NRXN2: variants seen among roughly 807,000 people sequenced by gnomAD.
NRXN2 encodes the protein neurexin-2-beta.
NRXN2 carries 29 observed loss-of-function variants against 128.8 expected under a neutral mutation model. The ratio of observed to expected loss-of-function variants is 0.23; its 90% CI spans 0.17 to 0.31. NRXN2 has a LOEUF of 0.31. Ranked by LOEUF, NRXN2 falls within the 10% of genes least tolerant of loss-of-function variation. The pLI, the probability that NRXN2 is intolerant of heterozygous loss-of-function variation, is 1.00. For synonymous variants in NRXN2, 1,098 were observed against 1,075.2 expected (o/e 1.02, Z -0.41); for missense variants, 1,881 against 2,452.6 (o/e 0.77, Z 4.92).
intron 3 of NRXN2, among the ~76,000 whole-genome samples, 171 bp from the exon 4 acceptor site, chr11:64,693,047 G>A (rs1430583548): frequency 2.0e-5 from 3 of 152,140 alleles, no homozygotes; most frequent in South Asian, 2.1e-4. Context: ...GACAGACATC[G>A]GGGGGAGCCC....
intron 7 of NRXN2, 176 bp downstream of exon 7, chr11:64,676,817 G>T (rs1320102716): frequency 3.1e-6 from 2 of 635,338 alleles, no homozygotes; most frequent in Non-Finnish European, 5.7e-6. Context: ...AAAGAAAAGG[G>T]AAAGAGGGAA....
chr11:64,671,119 C>T (rs2050573042), intron 7 of NRXN2, among the ~76,000 whole-genome samples: 1 of 152,132 alleles, frequency 6.6e-6, no homozygotes, highest in South Asian at 2.1e-4. Flanking sequence ...GGGCTTTTTG[C>T]AGATCACTCC....
At position 64,622,379 on chromosome 11, in the gene NRXN2, C is replaced by T. The variant is rs1185207753; in HGVS notation, c.4173+374G>A. 1.3e-5 allele frequency among the ~76,000 whole-genome samples: 2 copies of T among 152,222 alleles called. No individual in the cohort carries two copies. Among genetic ancestry groups the T allele is most frequent in the Non-Finnish European group, 2.9e-5 (2 of 68,020 alleles). Reference sequence around the variant, plus strand: ...TCCCACTCTCTGCCCACACAGAACGCTAGGCATGGCCTTCACTGGGGAAGC... The same window carrying T: ...TCCCACTCTCTGCCCACACAGAACGTTAGGCATGGCCTTCACTGGGGAAGC... On this transcript the variant is annotated intron_variant, in intron 21 of 22. Transcript: ENST00000265459. The surrounding 1 kb of genome is among the most constrained non-coding windows in gnomAD (Gnocchi z 4.3).
At chr11:64,704,613 CACACACACACAG>C (rs1315128410) in intron 2 of NRXN2, among the ~76,000 whole-genome samples, 13 of 115,970 alleles carry the variant, frequency 1.1e-4, no homozygotes, top group African/African-American at 4.1e-4. Context: ...CACACACACA[CACACACACACAG>C]AGAGAGAGAG....
rs766089411 is a variant in NRXN2, at chr11:64,607,603, G to A, written c.4732C>T (p.Pro1578Ser). Residue 1578 changes from proline (P) to serine (S), a missense_variant, in exon 23 of 23, where the codon CCG becomes TCG. Physicochemically the swap from Pro to Ser is moderately conservative, Grantham distance 74. Around this residue, in one of 7 missense-constraint regions of NRXN2, gnomAD observed 310 missense variants for 318.2 expected, o/e 0.97. Coordinates refer to ENST00000265459, the MANE Select transcript of NRXN2 (RefSeq NM_015080.4). ...GTGGGGGCCCCGGGCCCCAAGGGCG[G>A]GTTCTCCAGCAAGGGCTGAAGCGGG... ...RDPLQPLLEN[P>S]PLGPGAPTSF... is the part of the protein sequence containing the mutation. 2.6e-6 allele frequency: 4 copies of A among 1,537,238 alleles called. No homozygotes were observed. The highest frequency in any genetic ancestry group is 2.4e-5 in the South Asian group (2 of 84,460).
chr11:64,625,401 G>T (rs1269853308), intron 20 of NRXN2, among the ~76,000 whole-genome samples: 1 of 152,244 alleles, frequency 6.6e-6, no homozygotes, highest in Non-Finnish European at 1.5e-5. Context: ...GCCCAGTGTG[G>T]CTGGGGGCTG....
At chr11:64,658,375 G>A (rs1439357186) in intron 11 of NRXN2, among the ~76,000 whole-genome samples, 1 of 152,226 alleles carries the variant, frequency 6.6e-6, no homozygotes. Flanking sequence ...GGGATGCAAG[G>A]GAGCATTGTG....
intron 2 of NRXN2, chr11:64,712,607 A>T: frequency 2.3e-6 from 1 of 427,402 alleles, no homozygotes; most frequent in Non-Finnish European, 4.9e-6. Context: ...GTCCACGCAG[A>T]CCCCCACCCA....
In NRXN2 at chr11:64,713,458, A is replaced by T. The variant is rs12273892; in HGVS notation, c.242T>A (p.Leu81Gln). The T allele has an allele frequency of 0.15, 234,577 of 1,526,614 alleles. 18,955 individuals carry two copies. The highest frequency in any genetic ancestry group is 0.23 in the African/African-American group (16,178 of 70,604). The allele number at this position is 1,526,614 out of a possible 1,614,324, so 94.6% of individuals were successfully genotyped here. A position where few individuals can be genotyped will look rare whatever the true frequency, so the allele number is the denominator to read the frequency against. Reference sequence around the variant, plus strand: ...CAGCCGCAGGCGGCCGTCCACCAGCAGCAGCTCCAGGAAGTCGCAGTCGCC... The same window carrying T: ...CAGCCGCAGGCGGCCGTCCACCAGCTGCAGCTCCAGGAAGTCGCAGTCGCC... ...DGGDCDFLEL[L>Q]LVDGRLRLRF... Residue 81 changes from leucine to glutamine, a missense_variant, in exon 2 of 23, where the codon CTG becomes CAG. This residue lies in a region of NRXN2 where 997 missense variants were observed against 1,240.8 expected (regional missense o/e 0.80). Coordinates refer to ENST00000265459, the MANE Select transcript of NRXN2 (RefSeq NM_015080.4).
chr11:64,666,482 G>A (rs890200504), intron 9 of NRXN2, among the ~76,000 whole-genome samples: 6 of 151,748 alleles, frequency 4.0e-5, no homozygotes, highest in Admixed American at 1.3e-4. Context: ...AATTACAGGC[G>A]TGAGCCACAG....
chr11:64,670,596 G>A (rs1345467749), intron 7 of NRXN2, among the ~76,000 whole-genome samples: 2 of 152,144 alleles, frequency 1.3e-5, no homozygotes, highest in Non-Finnish European at 2.9e-5. Context: ...CTGTGCCTAA[G>A]TCTGGTCACC....
At chr11:64,717,297 G>T (rs1393710983) in intron 1 of NRXN2, among the ~76,000 whole-genome samples, 5 of 152,142 alleles carry the variant, frequency 3.3e-5, no homozygotes, top group African/African-American at 1.2e-4. Flanking sequence ...GTGACCCTGG[G>T]GTACCTGTCT....
intron 11 of NRXN2, among the ~76,000 whole-genome samples, chr11:64,654,137 G>A (rs1256042272): frequency 6.6e-6 from 1 of 152,126 alleles, no homozygotes; most frequent in African/African-American, 2.4e-5. Context: ...CAGAATCCCT[G>A]CATCCCCTGC....
intron 17 of NRXN2, chr11:64,642,589 G>A: frequency 6.2e-7 from 1 of 1,610,778 alleles, no homozygotes; most frequent in East Asian, 2.2e-5. Context: ...GATGGGCACG[G>A]TGCCGTGCTT....
Position 64,723,090 on chromosome 11 carries a change from C to A in NRXN2, c.-364G>T. On this transcript the variant is annotated 5_prime_UTR_variant, in exon 1 of 23. Transcript: ENST00000265459. ...TGCCGCCTCGCGCCTCTCTCCCTCC[C>A]CGCCGCGTCCCCGCCCGCCCGCCCG... The A allele has an allele frequency of 6.6e-6, 1 of 151,558 alleles. No homozygotes were observed. The highest frequency in any genetic ancestry group is 1.8e-4 in the South Asian group (1 of 5,482). The allele number at this position is 151,558 out of a possible 1,614,324, so 9.4% of individuals were successfully genotyped here.
chr11:64,677,091 C>T, intron 6 of NRXN2, 54 bp from the exon 7 acceptor site: 9 of 1,180,388 alleles, frequency 7.6e-6, no homozygotes, highest in Non-Finnish European at 1.0e-5. Context: ...AAAACAACAA[C>T]AAACACAACA....
At chr11:64,611,563 G>A (rs2040643445) in intron 22 of NRXN2, among the ~76,000 whole-genome samples, 1 of 152,208 alleles carries the variant, frequency 6.6e-6, no homozygotes, top group African/African-American at 2.4e-5. Flanking sequence ...CTACCAACCT[G>A]CTGTCCCCAG....
Position 64,679,802 on chromosome 11 carries a change from A to G in NRXN2, c.1153-2765T>C, listed in dbSNP as rs552146301. Among the ~76,000 whole-genome samples the G allele has an allele frequency of 2.1e-3, 322 of 152,302 alleles. 4 individuals carry two copies. Among genetic ancestry groups the G allele is most frequent in the Non-Finnish European group, 2.9e-3 (196 of 68,016 alleles). On this transcript the variant is annotated intron_variant, in intron 6 of 22. Transcript: ENST00000265459. ...GGGATTAAGGATCCAGACCCAGTCC[A>G]ATGGAGATCATGTTTATGGGGGCAA...
At chr11:64,677,633 G>C (rs2051534885) in intron 6 of NRXN2, among the ~76,000 whole-genome samples, 1 of 152,180 alleles carries the variant, frequency 6.6e-6, no homozygotes, top group African/African-American at 2.4e-5. Context: ...GAAGGCAGGG[G>C]ATTAAGAAGC....
Sources: allele counts gnomAD v4.1 joint callset (sites outside exome capture counted in the v4.1 genomes callset), GRCh38; gene constraint gnomAD v4.1.1; regional missense constraint gnomAD v4.1.1; non-coding constraint Gnocchi (gnomAD v3.1); transcripts MANE v1.5; gene names NCBI Gene and HGNC (gene_info 2026-07-23, HGNC 2026-07-21).